Variants in PRPH2 observed in about 807,000 individuals in gnomAD.
The protein encoded by PRPH2 is peripherin-2.
PRPH2 carries 17 observed loss-of-function variants against 31.3 expected under a neutral mutation model. That is an observed-to-expected ratio of 0.54 (90% confidence interval 0.37 to 0.81). PRPH2 has a LOEUF of 0.81. PRPH2 is among the 40% of genes least tolerant of loss of function. The pLI is 0.00. For missense variants in PRPH2, 430 were observed against 439.7 expected, an observed-to-expected ratio of 0.98 and a Z score of 0.20; for synonymous variants, 165 against 184.4, an observed-to-expected ratio of 0.89 and a Z score of 0.85.
chr6:42,703,382 G>A (rs989571414), intron 2 of PRPH2, among the ~76,000 whole-genome samples: 4 of 152,096 alleles, frequency 2.6e-5, no homozygotes, highest in Non-Finnish European at 5.9e-5. Flanking sequence ...GGTAAATGAG[G>A]ACCAGCATCC....
rs887972740 is a variant in PRPH2, at chr6:42,698,038, ATCC to A, written c.*254_*256del. 1 of 517,928 alleles carries A rather than the reference ATCC, an allele frequency of 1.9e-6. No homozygotes were observed. The highest frequency in any genetic ancestry group is 1.9e-5 in the African/African-American group (1 of 52,106). 32.1% of individuals were successfully genotyped at this position (517,928 alleles called of 1,614,324 possible). The stretch of plus-strand genomic sequence containing the variant: ...AGCCCCCGAGTCACCAGGAGGGCAT[ATCC>A]TAGGGCAGCGGGCCTGAAGGGAGCT... On this transcript the variant is annotated 3_prime_UTR_variant, in exon 3 of 3. Coordinates refer to ENST00000230381, the MANE Select transcript of PRPH2 (RefSeq NM_000322.5).
At chr6:42,703,963 T>C (rs1280217974) in intron 2 of PRPH2, among the ~76,000 whole-genome samples, 3 of 151,988 alleles carry the variant, frequency 2.0e-5, no homozygotes, top group Admixed American at 1.3e-4. Flanking sequence ...TAGCCGGGCA[T>C]GGTGGCACAT....
rs375823961 is a variant in PRPH2, at chr6:42,721,897, G to A, written c.438C>T (p.Thr146=). 6 of 1,614,178 alleles carry A rather than the reference G, an allele frequency of 3.7e-6. No homozygotes were observed. Among genetic ancestry groups the A allele is most frequent in the South Asian group, 1.1e-5 (1 of 91,076 alleles). The change falls in exon 1 of 3, where the codon ACC becomes ACT. Residue 146 remains threonine (T), a synonymous_variant. Transcript: ENST00000230381. ...TCTTCTTCATGAAACACCTGCCAGG[G>A]GTGTCTGTGTCCCGGTAGTACTTCA... is the stretch of plus-strand genomic sequence containing the variant. ...NGMKYYRDTD[T]PGRCFMKKTI... is the part of the protein sequence containing the mutation.
chr6:42,709,499 C>T (rs557513873), intron 1 of PRPH2, among the ~76,000 whole-genome samples: 123 of 152,230 alleles, frequency 8.1e-4, no homozygotes, highest in South Asian at 3.5e-3. Flanking sequence ...CTATTCTAGG[C>T]GCTGAAGACA....
chr6:42,716,962 C>CTTTTTTTTTTTTTTTTTTTTTTT (rs1161769235), intron 1 of PRPH2, among the ~76,000 whole-genome samples: 4 of 45,188 alleles, frequency 8.9e-5, no homozygotes, highest in Non-Finnish European at 1.1e-4. Context: ...TCTTTCTTTT[C>CTTTTTTTTTTTTTTTTTTTTTTT]TTTTTTTTTT....
intron 1 of PRPH2, among the ~76,000 whole-genome samples, chr6:42,719,369 T>G (rs976402459): frequency 2.2e-4 from 33 of 151,718 alleles, no homozygotes; most frequent in African/African-American, 7.3e-4. Flanking sequence ...AGAGATGAGG[T>G]TTCACTATTT....
At chr6:42,719,789 G>A (rs1017959710) in intron 1 of PRPH2, among the ~76,000 whole-genome samples, 9 of 151,418 alleles carry the variant, frequency 5.9e-5, no homozygotes, top group Non-Finnish European at 7.4e-5. Context: ...GGCTGGTCTC[G>A]AACTCCTGAA....
At chr6:42,720,310 AAGCCCCTTCTCTGTG>A (rs1761876019) in intron 1 of PRPH2, among the ~76,000 whole-genome samples, 1 of 152,034 alleles carries the variant, frequency 6.6e-6, no homozygotes, top group African/African-American at 2.4e-5. Context: ...AAAAGATGAA[AAGCCCCTTCTCTGTG>A]AGCCTCTGCT....
At chr6:42,702,342 CTGATAGCAT>C (rs1800061431) in intron 2 of PRPH2, among the ~76,000 whole-genome samples, 1 of 151,856 alleles carries the variant, frequency 6.6e-6, no homozygotes, top group Non-Finnish European at 1.5e-5. Context: ...GATGCACTGG[CTGATAGCAT>C]TAGGACAGTG....
At chr6:42,716,526 C>T (rs1761783855) in intron 1 of PRPH2, among the ~76,000 whole-genome samples, 1 of 151,792 alleles carries the variant, frequency 6.6e-6, no homozygotes, top group Non-Finnish European at 1.5e-5. Context: ...AACGGATTCT[C>T]CCACCTCAGC....
At chr6:42,698,658 T>C in intron 2 of PRPH2, 151 bp from the exon 3 acceptor site, 1 of 1,100,846 alleles carries the variant, frequency 9.1e-7, no homozygotes, top group Non-Finnish European at 1.3e-6. Flanking sequence ...TGCCCCACGC[T>C]GCCCTGTCCT....
chr6:42,705,599 A>AAAAAAAATATATATAT (rs1562424252), intron 1 of PRPH2, among the ~76,000 whole-genome samples: 13 of 21,436 alleles, frequency 6.1e-4, no homozygotes, highest in African/African-American at 7.4e-4. Flanking sequence ...AAAAAAAAAA[A>AAAAAAAATATATATAT]ATATATATAT....
At chr6:42,717,867 C>G (rs1761818718) in intron 1 of PRPH2, among the ~76,000 whole-genome samples, 1 of 152,096 alleles carries the variant, frequency 6.6e-6, no homozygotes, top group Non-Finnish European at 1.5e-5. Flanking sequence ...GTTCAGTGAT[C>G]ATGTAAAAGT....
At chr6:42,701,847 G>GCAGTATGTT (rs1402116487) in intron 2 of PRPH2, among the ~76,000 whole-genome samples, 1 of 151,876 alleles carries the variant, frequency 6.6e-6, no homozygotes, top group Non-Finnish European at 1.5e-5. Flanking sequence ...TAAATTTCCA[G>GCAGTATGTT]CAGTATGTTC....
intron 2 of PRPH2, among the ~76,000 whole-genome samples, chr6:42,701,805 C>G (rs970644024): frequency 1.4e-5 from 2 of 146,412 alleles, no homozygotes; most frequent in Non-Finnish European, 3.0e-5. Flanking sequence ...ATTCAGTCTT[C>G]TTTTTGTGTG....
Position 42,698,015 on chromosome 6 carries a change from C to T in PRPH2, c.*280G>A, listed in dbSNP as rs1799976393. ...GTCCTGGGCTAGTCGTCTGAGACAG[C>T]CCCCGAGTCACCAGGAGGGCATATC... On this transcript the variant is annotated 3_prime_UTR_variant, in exon 3 of 3. Transcript: ENST00000230381. 1 of 468,970 alleles carries T rather than the reference C, an allele frequency of 2.1e-6. No individual in the cohort carries two copies. The highest frequency in any genetic ancestry group is 2.2e-5 in the South Asian group (1 of 44,986). 29.1% of individuals were successfully genotyped at this position (468,970 alleles called of 1,614,324 possible).
intron 1 of PRPH2, among the ~76,000 whole-genome samples, chr6:42,716,962 C>CGT (rs1365444690): frequency 2.2e-5 from 1 of 45,210 alleles, no homozygotes; most frequent in East Asian, 7.8e-4. Flanking sequence ...TCTTTCTTTT[C>CGT]TTTTTTTTTT....
At position 42,704,558 on chromosome 6, in the gene PRPH2, C is replaced by T; in HGVS notation, c.635G>A (p.Ser212Asn). The T allele has an allele frequency of 6.2e-7, 1 of 1,614,176 alleles. No homozygotes were observed. The highest frequency in any genetic ancestry group is 1.3e-5 in the African/African-American group (1 of 75,036). The change falls in exon 2 of 3, where the codon AGC becomes AAC. Residue 212 changes from serine (S) to asparagine (N), a missense_variant. Coordinates refer to ENST00000230381, the MANE Select transcript of PRPH2 (RefSeq NM_000322.5). ...GRYLVDGVPF[S>N]CCNPSSPRPC... ...CCGTGGCGAGCTAGGATTGCAGCAGCTGAAAGGGACGCCGTCCACCAGGTA... is the reference window on the plus strand; with the variant it reads ...CCGTGGCGAGCTAGGATTGCAGCAGTTGAAAGGGACGCCGTCCACCAGGTA...
At position 42,722,574 on chromosome 6, in the gene PRPH2, G is replaced by T. The variant is rs1761927304; in HGVS notation, c.-240C>A. The T allele has an allele frequency of 1.4e-6, 2 of 1,402,588 alleles. No homozygotes were observed. The highest frequency in any genetic ancestry group is 1.4e-5 in the African/African-American group (1 of 69,214). 86.9% of individuals were successfully genotyped at this position (1,402,588 alleles called of 1,614,324 possible). A position where few individuals can be genotyped will look rare whatever the true frequency, so the allele number is the denominator to read the frequency against. ...GGGGATAGTCCTGGTCCTGGGCGTT[G>T]TTTCTTCAGCGCCCTTCCCAGCCAA... On this transcript the variant is annotated 5_prime_UTR_variant, in exon 1 of 3. Transcript: ENST00000230381. This position sits in a 1 kb window ranked among gnomAD's most constrained non-coding sequence, Gnocchi z 4.4.
Sources: gnomAD v4.1 joint callset for allele counts (sites outside exome capture counted in the v4.1 genomes callset) on GRCh38, gnomAD v4.1.1 for gene constraint, Gnocchi (gnomAD v3.1) non-coding constraint, MANE v1.5 for transcripts, NCBI Gene and HGNC (gene_info 2026-07-23, HGNC 2026-07-21) for gene names.